The following PCIF1 variants were observed in gnomAD, a reference collection of about 807,000 sequenced individuals.
PCIF1 encodes phosphorylated CTD interacting factor 1, also known as mRNA (2'-O-methyladenosine-N(6)-)-methyltransferase.
A neutral mutation model predicts 86.9 loss-of-function variants in PCIF1; 12 were observed. The ratio of observed to expected loss-of-function variants is 0.14; its 90% CI spans 0.09 to 0.22. PCIF1 has a LOEUF of 0.22. Ranked by LOEUF, PCIF1 falls within the 10% of genes least tolerant of loss-of-function variation. The pLI is 1.00. For synonymous variants in PCIF1, 397 were observed against 372.0 expected, an observed-to-expected ratio of 1.07 and a Z score of -0.77; for missense variants, 701 against 951.1, an observed-to-expected ratio of 0.74 and a Z score of 3.46.
intron 5 of PCIF1, 95 bp from the exon 6 acceptor site, chr20:45,940,714 G>C: frequency 6.4e-7 from 1 of 1,567,086 alleles, no homozygotes; most frequent in Non-Finnish European, 8.7e-7. Context: ...AGCCAGGAGG[G>C]GGGCCTGGGA....
rs925965886 is a variant in PCIF1, at chr20:45,947,006, G to A, written c.1614-67G>A. The A allele has an allele frequency of 1.5e-6, 2 of 1,371,838 alleles. No individual in the cohort carries two copies. Among genetic ancestry groups the A allele is most frequent in the Non-Finnish European group, 1.0e-6 (1 of 982,606 alleles). 85.0% of individuals were successfully genotyped at this position (1,371,838 alleles called of 1,614,324 possible). Reference sequence around the variant, plus strand: ...CAGTGTGGCTGCCTAGGGTTGGGGGGTGGCACCTGTTTCTGGTTGAGGGAC... The same window carrying A: ...CAGTGTGGCTGCCTAGGGTTGGGGGATGGCACCTGTTTCTGGTTGAGGGAC... On this transcript the variant is annotated intron_variant, in intron 14 of 16. Transcript: ENST00000372409. This position sits in a 1 kb window ranked among gnomAD's most constrained non-coding sequence, Gnocchi z 5.4.
At position 45,947,756 on chromosome 20, in the gene PCIF1, C is replaced by G. The variant is rs1406873353; in HGVS notation, c.*1C>G. 1 of 1,596,504 alleles carries G rather than the reference C, an allele frequency of 6.3e-7. No individual in the cohort carries two copies. On this transcript the variant is annotated 3_prime_UTR_variant, in exon 17 of 17. Coordinates refer to ENST00000372409, the MANE Select transcript of PCIF1 (RefSeq NM_022104.4). This position sits in a 1 kb window ranked among gnomAD's most constrained non-coding sequence, Gnocchi z 5.4. ...TAGCCGCGAGCCTCACCCCACTTAA[C>G]ATATCCTGCGGGGAGGAGGAGCCCC...
At chr20:45,934,918 T>C (rs1189995360) in intron 1 of PCIF1, 114 bp downstream of exon 1, 7 of 395,764 alleles carry the variant, frequency 1.8e-5, no homozygotes, top group East Asian at 3.6e-5. Flanking sequence ...CCGCTTGCCC[T>C]GTCTCTGTTG....
intron 1 of PCIF1, among the ~76,000 whole-genome samples, chr20:45,935,338 C>T (rs1340338188): frequency 2.0e-5 from 3 of 152,208 alleles, no homozygotes; most frequent in Admixed American, 6.5e-5. Context: ...CACGTGCCTC[C>T]AATCCCGGAC....
intron 14 of PCIF1, 112 bp downstream of exon 14, chr20:45,946,496 C>G (rs2083528074): frequency 1.6e-6 from 2 of 1,224,362 alleles, no homozygotes; most frequent in Middle Eastern, 2.2e-4. Context: ...GTCCCTGCCT[C>G]CACCTCTTAC....
chr20:45,945,857 G>A lies in PCIF1; in HGVS notation c.1315G>A (p.Val439Ile). 6.2e-7 allele frequency: 1 copy of A among 1,613,844 alleles called. No homozygotes were observed. Residue 439 changes from valine to isoleucine, a missense_variant, in exon 12 of 17, where the codon GTC (valine) becomes ATC (isoleucine). This residue lies in a region of PCIF1 where 121 missense variants were observed against 131.7 expected (regional missense o/e 0.92). Transcript: ENST00000372409. ...CIRYKGEMVK[V>I]SRNYFSKLWL... The stretch of plus-strand genomic sequence containing the variant: ...CCGGTATAAGGGAGAGATGGTCAAG[G>A]TCAGCCGCAACTACTTCAGCAAGCT...
chr20:45,938,158 G>C (rs1275243017), intron 2 of PCIF1, among the ~76,000 whole-genome samples: 1 of 152,184 alleles, frequency 6.6e-6, no homozygotes, highest in East Asian at 1.9e-4. Context: ...CTTTGGGTGG[G>C]GGAGTAGGGA....
rs781554398 is a variant in PCIF1 at position 45,947,669 on chromosome 20, G to T, written c.2029G>T (p.Gly677Cys). 4 of 1,612,184 alleles carry T rather than the reference G, an allele frequency of 2.5e-6. No individual in the cohort carries two copies. The highest frequency in any genetic ancestry group is 3.4e-6 in the Non-Finnish European group (4 of 1,179,512). ...YRQSGRSHSS[G>C]SSSSSSSEAK... ...GCAGTCAGGCCGCAGCCACAGCTCTGGTTCTTCCTCATCGTCCTCCTCGGA... is the reference window on the plus strand; with the variant it reads ...GCAGTCAGGCCGCAGCCACAGCTCTTGTTCTTCCTCATCGTCCTCCTCGGA... Residue 677 changes from glycine (G) to cysteine (C), a missense_variant, in exon 17 of 17, where the codon GGT (glycine) becomes TGT (cysteine). This residue lies in a region of PCIF1 where 174 missense variants were observed against 206.9 expected (regional missense o/e 0.84). Transcript: ENST00000372409. The surrounding 1 kb of genome is among the most constrained non-coding windows in gnomAD (Gnocchi z 5.4).
rs956591168 is a variant in PCIF1, at chr20:45,945,777, C to T, written c.1235C>T (p.Ser412Phe). The T allele has an allele frequency of 6.8e-6, 11 of 1,613,848 alleles. No homozygotes were observed. In the Admixed American group the frequency reaches 8.3e-5, roughly 12 times the overall value. Reference sequence around the variant, plus strand: ...TGCTACCCAGTCCGGCTGGCTGTGTCTGCACCGCCCATGCCCAGCGTGGAG... The same window carrying T: ...TGCTACCCAGTCCGGCTGGCTGTGTTTGCACCGCCCATGCCCAGCGTGGAG... Reference protein sequence around the residue: ...VYCYPVRLAVSAPPMPSVEMH... With the variant: ...VYCYPVRLAVFAPPMPSVEMH... Residue 412 changes from serine (S) to phenylalanine (F), a missense_variant, in exon 12 of 17, where the codon TCT becomes TTT. Coordinates refer to ENST00000372409, the MANE Select transcript of PCIF1 (RefSeq NM_022104.4).
intron 10 of PCIF1, 24 bp from the exon 11 acceptor site, chr20:45,944,844 C>G (rs757876834): frequency 6.2e-7 from 1 of 1,602,802 alleles, no homozygotes; most frequent in South Asian, 1.1e-5. Flanking sequence ...CCACTAGCGC[C>G]CTGATCCAGA....
chr20:45,937,475 C>T lies in PCIF1; in HGVS notation c.-130C>T, dbSNP rs1343031411. 2 of 399,080 alleles carry T rather than the reference C, an allele frequency of 5.0e-6. No individual in the cohort carries two copies. Among genetic ancestry groups the T allele is most frequent in the African/African-American group, 2.1e-5 (1 of 48,646 alleles). The allele number at this position is 399,080 out of a possible 1,614,324, so 24.7% of individuals were successfully genotyped here. On this transcript the variant is annotated 5_prime_UTR_variant, in exon 2 of 17. Coordinates refer to ENST00000372409, the MANE Select transcript of PCIF1 (RefSeq NM_022104.4). ...CCACTCCACTGCTGACCAGCCCATT[C>T]GCCTGTGCTGAGTCTTCCTGCAGGC...
chr20:45,943,857 C>A lies in PCIF1; in HGVS notation c.1005+92C>A. The A allele has an allele frequency of 9.6e-7, 1 of 1,036,788 alleles. No individual in the cohort carries two copies. Among genetic ancestry groups the A allele is most frequent in the Non-Finnish European group, 1.4e-6 (1 of 696,708 alleles). 64.2% of individuals were successfully genotyped at this position (1,036,788 alleles called of 1,614,324 possible). On this transcript the variant is annotated intron_variant, in intron 10 of 16. Coordinates refer to ENST00000372409, the MANE Select transcript of PCIF1 (RefSeq NM_022104.4). The surrounding 1 kb of genome is among the most constrained non-coding windows in gnomAD (Gnocchi z 5.5). ...CTCTGCCTGTCCAGGCTGGGCAAGG[C>A]CTCCCCCAGCGGCCTATTCTTGTGC...
Position 45,946,195 on chromosome 20 carries a change from C to G in PCIF1, c.1429-5C>G, listed in dbSNP as rs780479006. ...CCCCAGGTGCTGACGGTGGCCACTC[C>G]GCAGATGATGTTCGGCGTGGGCCTC... On this transcript the variant is annotated splice_polypyrimidine_tract_variant and splice_region_variant and intron_variant, in intron 13 of 16. Coordinates refer to ENST00000372409, the MANE Select transcript of PCIF1 (RefSeq NM_022104.4). The G allele has an allele frequency of 6.2e-7, 1 of 1,614,196 alleles. No homozygotes were observed. The highest frequency in any genetic ancestry group is 8.5e-7 in the Non-Finnish European group (1 of 1,180,034).
rs1354636658 is a variant in PCIF1 at position 45,947,054 on chromosome 20, T to C, written c.1614-19T>C. On this transcript the variant is annotated intron_variant, in intron 14 of 16. Transcript: ENST00000372409. This position sits in a 1 kb window ranked among gnomAD's most constrained non-coding sequence, Gnocchi z 5.4. ...GACTGGGTCCTGATGGGACTTAGAA[T>C]GCTCACTCCTGTCCCCAGGCCCTGC... 6.3e-7 allele frequency: 1 copy of C among 1,587,734 alleles called. No homozygotes were observed. Among genetic ancestry groups the C allele is most frequent in the Non-Finnish European group, 8.6e-7 (1 of 1,161,176 alleles).
chr20:45,935,261 C>T (rs1341282362), intron 1 of PCIF1, among the ~76,000 whole-genome samples: 3 of 152,018 alleles, frequency 2.0e-5, no homozygotes, highest in Non-Finnish European at 4.4e-5. Context: ...GTACTTTGTT[C>T]GCCCTTTGAC....
Position 45,946,178 on chromosome 20 carries a change from G to A in PCIF1, c.1429-22G>A, listed in dbSNP as rs751894644. The stretch of plus-strand genomic sequence containing the variant: ...GGAACAGGGAGGGTGAGCCCCAGGT[G>A]CTGACGGTGGCCACTCCGCAGATGA... On this transcript the variant is annotated intron_variant, in intron 13 of 16. Coordinates refer to ENST00000372409, the MANE Select transcript of PCIF1 (RefSeq NM_022104.4). 6.8e-6 allele frequency: 11 copies of A among 1,614,164 alleles called. 1 individual carries two copies. In the South Asian group the frequency reaches 1.2e-4, roughly 18 times the overall value.
At chr20:45,935,949 A>C (rs1214435177) in intron 1 of PCIF1, among the ~76,000 whole-genome samples, 1 of 151,996 alleles carries the variant, frequency 6.6e-6, no homozygotes, top group East Asian at 1.9e-4. Flanking sequence ...AAGTTCATCT[A>C]CCCGGTGCAT....
At chr20:45,939,395 T>C in intron 4 of PCIF1, 56 bp downstream of exon 4, 2 of 1,605,128 alleles carry the variant, frequency 1.2e-6, no homozygotes, top group Non-Finnish European at 1.7e-6. Context: ...ACCTGGGCCT[T>C]CCCCAAATGT....
chr20:45,944,678 G>A (rs1035286236), intron 10 of PCIF1, among the ~76,000 whole-genome samples, 190 bp from the exon 11 acceptor site: 11 of 152,106 alleles, frequency 7.2e-5, no homozygotes, highest in South Asian at 4.1e-4. Flanking sequence ...TAGGTATCTC[G>A]TGTCCCCTTG....
Sources: allele counts gnomAD v4.1 joint callset (sites outside exome capture counted in the v4.1 genomes callset), GRCh38; gene constraint gnomAD v4.1.1; regional missense constraint gnomAD v4.1.1; non-coding constraint Gnocchi (gnomAD v3.1); transcripts MANE v1.5; gene names NCBI Gene and HGNC (gene_info 2026-07-23, HGNC 2026-07-21).